The following MEF2A variants were observed in gnomAD, a reference collection of about 807,000 sequenced individuals.
The protein encoded by MEF2A is myocyte-specific enhancer factor 2A.
Under a neutral mutation model 55.8 loss-of-function variants are expected in MEF2A, and 28 were observed. The observed-to-expected ratio is 0.50, with a 90% CI of 0.37 to 0.69. MEF2A has a LOEUF of 0.69. Ranked by LOEUF, MEF2A falls within the 30% of genes least tolerant of loss-of-function variation. MEF2A has a pLI of 0.00. For missense variants in MEF2A, 528 were observed against 626.2 expected (o/e 0.84, Z 1.67); for synonymous variants, 239 against 227.1 (o/e 1.05, Z -0.47).
intron 4 of MEF2A, among the ~76,000 whole-genome samples, chr15:99,648,854 C>T (rs1040639184): frequency 4.6e-5 from 7 of 151,930 alleles, no homozygotes; most frequent in African/African-American, 1.7e-4. Context: ...ACAGGACGCA[C>T]GTGTATTAGG....
At chr15:99,641,271 C>T (rs1234291398) in intron 3 of MEF2A, among the ~76,000 whole-genome samples, 2 of 152,152 alleles carry the variant, frequency 1.3e-5, no homozygotes, top group Non-Finnish European at 2.9e-5. Flanking sequence ...GTCTTCAACT[C>T]CTATCTCCAG....
intron 8 of MEF2A, among the ~76,000 whole-genome samples, chr15:99,701,679 T>C (rs1366633829): frequency 6.6e-6 from 1 of 152,242 alleles, no homozygotes; most frequent in African/African-American, 2.4e-5. Context: ...TCTTTGTAAA[T>C]GCTGTCTAAA....
At chr15:99,673,509 G>A (rs954553088) in intron 5 of MEF2A, among the ~76,000 whole-genome samples, 2 of 152,016 alleles carry the variant, frequency 1.3e-5, no homozygotes, top group Non-Finnish European at 1.5e-5. Flanking sequence ...CCTTATTTTT[G>A]TATGTTAGTC....
chr15:99,588,046 T>C (rs137925782), intron 1 of MEF2A, among the ~76,000 whole-genome samples: 1 of 152,214 alleles, frequency 6.6e-6, no homozygotes, highest in Non-Finnish European at 1.5e-5. Context: ...AGTATGATCT[T>C]AGCTGTAGGT....
chr15:99,637,787 C>T (rs548428315), intron 3 of MEF2A, among the ~76,000 whole-genome samples: 5 of 152,076 alleles, frequency 3.3e-5, no homozygotes, highest in East Asian at 1.9e-4. Flanking sequence ...GGATTACAGG[C>T]GCCTGCCACC....
intron 1 of MEF2A, among the ~76,000 whole-genome samples, chr15:99,594,176 A>G (rs1006318928): frequency 6.6e-6 from 1 of 152,180 alleles, no homozygotes; most frequent in Non-Finnish European, 1.5e-5. Context: ...CCTGGTTGTG[A>G]TCAGTACTTC....
At chr15:99,663,082 T>C (rs1182617523) in intron 4 of MEF2A, among the ~76,000 whole-genome samples, 3 of 152,130 alleles carry the variant, frequency 2.0e-5, no homozygotes, top group African/African-American at 7.2e-5. Flanking sequence ...TATGTTAATT[T>C]TTTTTTTCAG....
intron 2 of MEF2A, among the ~76,000 whole-genome samples, chr15:99,608,469 C>T (rs1975919426): frequency 6.6e-6 from 1 of 152,060 alleles, no homozygotes; most frequent in African/African-American, 2.4e-5. Context: ...CAGAGAAATC[C>T]AAATTAAAAT....
chr15:99,565,783 C>T (rs541897734), upstream of MEF2A: 36 of 150,970 alleles, frequency 2.4e-4, no homozygotes, highest in African/African-American at 7.6e-4. Flanking sequence ...CTTTCCCATT[C>T]CAATTACTCT....
chr15:99,691,580 C>A (rs1353518638), intron 8 of MEF2A, among the ~76,000 whole-genome samples: 1 of 152,064 alleles, frequency 6.6e-6, no homozygotes, highest in Admixed American at 6.6e-5. Context: ...TGCCTGTAAT[C>A]CCAGCTACTC....
At chr15:99,704,698 G>A (rs1567497362) in intron 9 of MEF2A, among the ~76,000 whole-genome samples, 1 of 152,216 alleles carries the variant, frequency 6.6e-6, no homozygotes, top group Non-Finnish European at 1.5e-5. Flanking sequence ...ATGCCATGGA[G>A]TAGGTAGGGT....
At chr15:99,568,094 G>A (rs1345629375) in intron 1 of MEF2A, among the ~76,000 whole-genome samples, 1 of 152,018 alleles carries the variant, frequency 6.6e-6, no homozygotes, top group African/African-American at 2.4e-5. Flanking sequence ...TTCACACTAT[G>A]GTTATATATA....
At chr15:99,704,333 A>G (rs1043918203) in intron 9 of MEF2A, among the ~76,000 whole-genome samples, 27 of 152,218 alleles carry the variant, frequency 1.8e-4, no homozygotes, top group African/African-American at 6.5e-4. Context: ...GATCACTCAC[A>G]GTTTTGGGTG....
chr15:99,705,663 C>A (rs2057952764), intron 9 of MEF2A, among the ~76,000 whole-genome samples: 1 of 152,294 alleles, frequency 6.6e-6, no homozygotes, highest in South Asian at 2.1e-4. Flanking sequence ...TTGTAAGTGT[C>A]TACATCTAGC....
At chr15:99,692,902 G>A (rs900298704) in intron 8 of MEF2A, among the ~76,000 whole-genome samples, 1 of 152,232 alleles carries the variant, frequency 6.6e-6, no homozygotes, top group Non-Finnish European at 1.5e-5. Flanking sequence ...AACCAGTGGT[G>A]AAGGAACAGG....
intron 2 of MEF2A, among the ~76,000 whole-genome samples, chr15:99,600,131 A>G (rs1448114377): frequency 6.6e-6 from 1 of 152,186 alleles, no homozygotes; most frequent in African/African-American, 2.4e-5. Context: ...GATATGAGCT[A>G]AAGCACTCAT....
chr15:99,695,694 T>C (rs548300764), intron 8 of MEF2A, among the ~76,000 whole-genome samples: 3 of 152,062 alleles, frequency 2.0e-5, no homozygotes, highest in Admixed American at 1.3e-4. Context: ...ACCCTGTCTC[T>C]ACTAAAAATA....
chr15:99,657,780 G>T (rs1390322485), intron 4 of MEF2A, among the ~76,000 whole-genome samples: 3 of 152,062 alleles, frequency 2.0e-5, no homozygotes, highest in African/African-American at 7.2e-5. Flanking sequence ...GCTCCCAAAG[G>T]ATTCCAAGGA....
intron 3 of MEF2A, among the ~76,000 whole-genome samples, chr15:99,643,902 A>G (rs1442194500): frequency 6.6e-6 from 1 of 152,140 alleles, no homozygotes; most frequent in Non-Finnish European, 1.5e-5. Flanking sequence ...AGAATTTTAA[A>G]GTATCAAATA....
Sources: gnomAD v4.1 joint callset for allele counts (sites outside exome capture counted in the v4.1 genomes callset) on GRCh38, gnomAD v4.1.1 for gene constraint, MANE v1.5 for transcripts, NCBI Gene and HGNC (gene_info 2026-07-23, HGNC 2026-07-21) for gene names.